The following CCDC80 variants were observed in gnomAD, a reference collection of about 807,000 sequenced individuals.
The protein encoded by CCDC80 is coiled-coil domain containing 80.
CCDC80 carries 49 observed loss-of-function variants against 78.7 expected under a neutral mutation model. The observed-to-expected ratio is 0.62, with a 90% CI of 0.50 to 0.79. CCDC80 has a LOEUF of 0.79. Among genes scored for constraint, CCDC80 ranks in the 30% least tolerant of loss-of-function variants. The pLI, the probability that CCDC80 is intolerant of heterozygous loss-of-function variation, is 0.00. For missense variants in CCDC80, 1,205 were observed against 1,198.6 expected (o/e 1.01, Z -0.08); for synonymous variants, 488 against 447.0 (o/e 1.09, Z -1.16).
rs954464300 is a variant in CCDC80 at position 112,603,890 on chromosome 3, A to G, written c.*1527T>C. 1 of 152,200 alleles carries G rather than the reference A, an allele frequency of 6.6e-6. No individual in the cohort carries two copies. The highest frequency in any genetic ancestry group is 2.1e-4 in the South Asian group (1 of 4,832). 9.4% of individuals were successfully genotyped at this position (152,200 alleles called of 1,614,324 possible). A position where few individuals can be genotyped will look rare whatever the true frequency, so the allele number is the denominator to read the frequency against. ...GGAGAAGGTCAAAATAGGAAGATCAATGAGTTCGGAAACTGATTCCATCCC... is the reference window on the plus strand; with the variant it reads ...GGAGAAGGTCAAAATAGGAAGATCAGTGAGTTCGGAAACTGATTCCATCCC... On this transcript the variant is annotated 3_prime_UTR_variant, in exon 8 of 8. Coordinates refer to ENST00000206423, the MANE Select transcript of CCDC80 (RefSeq NM_199511.3).
At chr3:112,607,381 T>C (rs1458132169) in intron 6 of CCDC80, 125 bp from the exon 7 acceptor site, 3 of 572,584 alleles carry the variant, frequency 5.2e-6, no homozygotes, top group South Asian at 6.6e-5. Context: ...CATAACCCGA[T>C]TGAGAAGAAT....
rs1936285953 is a variant in CCDC80 at position 112,639,235 on chromosome 3, C to T, written c.671G>A (p.Ser224Asn). 6.2e-7 allele frequency: 1 copy of T among 1,614,196 alleles called. No individual in the cohort carries two copies. Among genetic ancestry groups the T allele is most frequent in the Middle Eastern group, 1.6e-4 (1 of 6,062 alleles). Reference sequence around the variant, plus strand: ...CTTGCCCTTCTCCAGCTTCAGGAAGCTCATCAGCTTAGGGATGAGGCTAGG... The same window carrying T: ...CTTGCCCTTCTCCAGCTTCAGGAAGTTCATCAGCTTAGGGATGAGGCTAGG... ...LDPSLIPKLMSFLKLEKGKFG... is the reference protein window; with the variant it reads ...LDPSLIPKLMNFLKLEKGKFG... Residue 224 changes from serine (S) to asparagine (N), a missense_variant, in exon 2 of 8, where the codon AGC (serine) becomes AAC (asparagine). By Grantham distance (46) the Ser-to-Asn change is conservative. Coordinates refer to ENST00000206423, the MANE Select transcript of CCDC80 (RefSeq NM_199511.3).
chr3:112,632,300 C>A (rs1181407236), intron 2 of CCDC80, among the ~76,000 whole-genome samples: 1 of 151,926 alleles, frequency 6.6e-6, no homozygotes, highest in Non-Finnish European at 1.5e-5. Context: ...AGTAAAAACA[C>A]AAAACAGTAA....
In CCDC80 at chr3:112,639,312, G is replaced by A; in HGVS notation, c.594C>T (p.Gly198=). 2 of 1,614,144 alleles carry A rather than the reference G, an allele frequency of 1.2e-6. No homozygotes were observed. The highest frequency in any genetic ancestry group is 1.7e-6 in the Non-Finnish European group (2 of 1,180,026). ...VLFHQAGEEG[G]KVRRITSEGQ... ...CCTCGCTGGTGATCCTTCTCACCTT[G>A]CCTCCTTCCTCACCTGCCTGGTGGA... Residue 198 remains glycine (G), a synonymous_variant, in exon 2 of 8, where the codon GGC becomes GGT. Transcript: ENST00000206423.
rs1935329115 is a variant in CCDC80 at position 112,598,854 on chromosome 3, T to G, written c.*6563A>C. The G allele has an allele frequency of 6.6e-6, 1 of 152,272 alleles. No individual in the cohort carries two copies. The highest frequency in any genetic ancestry group is 2.4e-5 in the African/African-American group (1 of 41,452). The allele number at this position is 152,272 out of a possible 1,614,324, so 9.4% of individuals were successfully genotyped here. On this transcript the variant is annotated 3_prime_UTR_variant, in exon 8 of 8. Coordinates refer to ENST00000206423, the MANE Select transcript of CCDC80 (RefSeq NM_199511.3). The stretch of plus-strand genomic sequence containing the variant: ...GGAGATGATGAGGGGTTCTGTGTGT[T>G]GGAGGTGATGACCTCATTGAGTCTC...
intron 2 of CCDC80, among the ~76,000 whole-genome samples, chr3:112,633,817 A>G (rs150180377): frequency 6.6e-6 from 1 of 152,342 alleles, no homozygotes; most frequent in East Asian, 1.9e-4. Context: ...TATTTCAGAC[A>G]GTGTTTAAAA....
chr3:112,605,908 C>G (rs575078684), intron 7 of CCDC80, 145 bp from the exon 8 acceptor site: 1 of 708,404 alleles, frequency 1.4e-6, no homozygotes, highest in African/African-American at 1.8e-5. Context: ...AAGAAGTTTG[C>G]TGGGGCTTTT....
Position 112,639,476 on chromosome 3 carries a change from T to C in CCDC80, c.430A>G (p.Ser144Gly). The C allele has an allele frequency of 6.2e-7, 1 of 1,614,186 alleles. No homozygotes were observed. The highest frequency in any genetic ancestry group is 8.5e-7 in the Non-Finnish European group (1 of 1,180,032). The change falls in exon 2 of 8, where the codon AGC (serine) becomes GGC (glycine). Residue 144 changes from serine to glycine, a missense_variant. Physicochemically the swap from Ser to Gly is moderately conservative, Grantham distance 56 (BLOSUM62 0). Transcript: ENST00000206423. ...SGSSSPNILASFAGKNRVWVI... is the reference protein window; with the variant it reads ...SGSSSPNILAGFAGKNRVWVI... ...CATACTCTGTTCTTCCCTGCAAAGC[T>C]GGCAAGGATGTTGGGAGAGCTGGAC...
In CCDC80 at chr3:112,598,498, G is replaced by C. The variant is rs1008993079; in HGVS notation, c.*6919C>G. 6.6e-6 allele frequency: 1 copy of C among 152,350 alleles called. No individual in the cohort carries two copies. Among genetic ancestry groups the C allele is most frequent in the Non-Finnish European group, 1.5e-5 (1 of 68,186 alleles). 9.4% of individuals were successfully genotyped at this position (152,350 alleles called of 1,614,324 possible). On this transcript the variant is annotated 3_prime_UTR_variant, in exon 8 of 8. Coordinates refer to ENST00000206423, the MANE Select transcript of CCDC80 (RefSeq NM_199511.3). ...TTGCAGAGGAGAAAAGCCAAAGAAC[G>C]TTTGCCCATGGGCAGTCTTAGCTAT...
chr3:112,605,695 C>T lies in CCDC80; in HGVS notation c.2575G>A (p.Val859Met). The T allele has an allele frequency of 1.2e-6, 2 of 1,614,214 alleles. No homozygotes were observed. The highest frequency in any genetic ancestry group is 1.6e-4 in the Middle Eastern group (1 of 6,062). ...LVKDIRNYFQ[V>M]SPEYFSMLLV... is the part of the protein sequence containing the mutation. ...AGCATGGAGAAGTACTCCGGGCTCA[C>T]TTGAAAATAGTTACGAATGTCTTTC... Residue 859 changes from valine (V) to methionine (M), a missense_variant, in exon 8 of 8, where the codon GTG (valine) becomes ATG (methionine). By Grantham distance (21) the Val-to-Met change is conservative. Coordinates refer to ENST00000206423, the MANE Select transcript of CCDC80 (RefSeq NM_199511.3).
chr3:112,614,580 G>T (rs186797831), intron 5 of CCDC80, among the ~76,000 whole-genome samples: 14 of 151,464 alleles, frequency 9.2e-5, no homozygotes, highest in Non-Finnish European at 2.1e-4. Context: ...CTGCCCCTAC[G>T]GCTGAGTTGA....
intron 2 of CCDC80, among the ~76,000 whole-genome samples, chr3:112,630,548 G>T (rs952468549): frequency 1.3e-5 from 2 of 152,078 alleles, no homozygotes; most frequent in African/African-American, 2.4e-5. Context: ...CTCTGCAAAG[G>T]AATATTTATT....
At chr3:112,608,413 G>A (rs956701111) in intron 6 of CCDC80, among the ~76,000 whole-genome samples, 12 of 151,962 alleles carry the variant, frequency 7.9e-5, no homozygotes, top group African/African-American at 2.7e-4. Context: ...CTACATATTG[G>A]TTAGTCATGT....
chr3:112,612,608 A>G (rs774793533), intron 5 of CCDC80, among the ~76,000 whole-genome samples: 4 of 152,198 alleles, frequency 2.6e-5, no homozygotes, highest in Non-Finnish European at 5.9e-5. Flanking sequence ...TTAGCTTCCC[A>G]GTAAATAAAA....
intron 3 of CCDC80, among the ~76,000 whole-genome samples, chr3:112,621,055 G>A (rs1057038709): frequency 6.6e-6 from 1 of 152,160 alleles, no homozygotes; most frequent in African/African-American, 2.4e-5. Context: ...GTTGGAGATT[G>A]TAGTAGATTT....
intron 2 of CCDC80, among the ~76,000 whole-genome samples, chr3:112,635,947 G>C (rs959974026): frequency 3.3e-5 from 5 of 152,166 alleles, no homozygotes; most frequent in Admixed American, 1.3e-4. Context: ...CTAATATCAG[G>C]GATACACTGT....
chr3:112,630,297 C>T (rs753904497), intron 2 of CCDC80, 28 bp from the exon 3 acceptor site: 5 of 1,610,844 alleles, frequency 3.1e-6, no homozygotes, highest in Non-Finnish European at 4.2e-6. Flanking sequence ...CAAACAAATA[C>T]TCATTTATAG....
chr3:112,616,805 A>G lies in CCDC80; in HGVS notation c.2226T>C (p.Thr742=). The G allele has an allele frequency of 1.2e-6, 2 of 1,614,194 alleles. No homozygotes were observed. Among genetic ancestry groups the G allele is most frequent in the Non-Finnish European group, 1.7e-6 (2 of 1,180,030 alleles). Residue 742 remains threonine (T), a synonymous_variant, in exon 5 of 8, where the codon ACT becomes ACC. Transcript: ENST00000206423. ...TMKSVFDLID[T]FQSRIKDMEK... is the part of the protein sequence containing the mutation. ...CCATATCTTTGATTCGGGACTGGAA[A>G]GTATCGATCAGATCAAACACAGACT...
chr3:112,609,116 C>T (rs1275671378), intron 6 of CCDC80, among the ~76,000 whole-genome samples: 1 of 142,996 alleles, frequency 7.0e-6, no homozygotes, highest in Non-Finnish European at 1.5e-5. Flanking sequence ...CAGTGAATCT[C>T]TCAAAATTCT....
Sources: allele counts gnomAD v4.1 joint callset (sites outside exome capture counted in the v4.1 genomes callset), GRCh38; gene constraint gnomAD v4.1.1; transcripts MANE v1.5; gene names NCBI Gene and HGNC (gene_info 2026-07-23, HGNC 2026-07-21).